The following SLC16A12 variants were observed in gnomAD, a reference collection of about 807,000 sequenced individuals.
The protein encoded by SLC16A12 is monocarboxylate transporter 12.
SLC16A12 carries 17 observed loss-of-function variants against 42.4 expected under a neutral mutation model. The ratio of observed to expected loss-of-function variants is 0.40; its 90% CI spans 0.27 to 0.60. The LOEUF (loss-of-function observed/expected upper bound fraction) is 0.60. SLC16A12 is among the 20% of genes least tolerant of loss of function. The pLI is 0.42. For missense variants in SLC16A12, 544 were observed against 623.0 expected, an observed-to-expected ratio of 0.87 and a Z score of 1.35; for synonymous variants, 224 against 229.4, an observed-to-expected ratio of 0.98 and a Z score of 0.21.
chr10:89,491,980 A>G (rs1842854006), intron 2 of SLC16A12, among the ~76,000 whole-genome samples: 1 of 152,260 alleles, frequency 6.6e-6, no homozygotes, highest in Non-Finnish European at 1.5e-5. Context: ...AGTCATCTCC[A>G]GAGGCAATAC....
intron 2 of SLC16A12, among the ~76,000 whole-genome samples, chr10:89,528,458 G>A (rs1843490545): frequency 6.6e-6 from 1 of 152,114 alleles, no homozygotes; most frequent in Non-Finnish European, 1.5e-5. Context: ...TTGGTTGACA[G>A]TAATTATATC....
chr10:89,481,111 T>C (rs547711825), intron 2 of SLC16A12, among the ~76,000 whole-genome samples: 2 of 152,314 alleles, frequency 1.3e-5, no homozygotes, highest in South Asian at 4.1e-4. Flanking sequence ...TATGTTGGGA[T>C]ATTAACTCTA....
At chr10:89,486,603 AAAAGAAAGAAAGAAAGAAAGAAAG>A (rs141642264) in intron 2 of SLC16A12, among the ~76,000 whole-genome samples, 35 of 70,408 alleles carry the variant, frequency 5.0e-4, no homozygotes, top group Middle Eastern at 0.015. Flanking sequence ...AAAAAAAAAA[AAAAGAAAGAAAGAAAGAAAGAAAG>A]AAAGAAAGAA....
At chr10:89,469,021 T>G (rs923308355) in intron 2 of SLC16A12, among the ~76,000 whole-genome samples, 1 of 152,064 alleles carries the variant, frequency 6.6e-6, no homozygotes, top group African/African-American at 2.4e-5. Context: ...CCCAGCTACT[T>G]GGGGGGCTGA....
chr10:89,539,836 C>T (rs1313961555), upstream of SLC16A12, among the ~76,000 whole-genome samples: 3 of 146,830 alleles, frequency 2.0e-5, no homozygotes, highest in African/African-American at 7.5e-5. Flanking sequence ...GAAATTCTTC[C>T]TTAGACACCA....
chr10:89,469,102 C>T (rs539885055), intron 2 of SLC16A12, among the ~76,000 whole-genome samples: 1 of 152,296 alleles, frequency 6.6e-6, no homozygotes, highest in Admixed American at 6.5e-5. Flanking sequence ...GCACCCCAGC[C>T]TAAAACTATA....
At chr10:89,534,937 A>G (rs1843627932) in intron 1 of SLC16A12, among the ~76,000 whole-genome samples, 1 of 152,082 alleles carries the variant, frequency 6.6e-6, no homozygotes, top group Non-Finnish European at 1.5e-5. Context: ...TTTGTTACGA[A>G]CGCTTTTCCG....
At chr10:89,442,459 G>A (rs557236879) in intron 4 of SLC16A12, among the ~76,000 whole-genome samples, 1 of 152,122 alleles carries the variant, frequency 6.6e-6, no homozygotes, top group South Asian at 2.1e-4. Flanking sequence ...TCCTATTTGG[G>A]GGATTATGAA....
At chr10:89,500,014 G>A (rs1172513704) in intron 2 of SLC16A12, among the ~76,000 whole-genome samples, 1 of 152,124 alleles carries the variant, frequency 6.6e-6, no homozygotes, top group Non-Finnish European at 1.5e-5. Flanking sequence ...AGGCTATTAT[G>A]AATACCTTTA....
intron 2 of SLC16A12, among the ~76,000 whole-genome samples, chr10:89,494,395 A>G (rs1259054096): frequency 6.6e-6 from 1 of 152,228 alleles, no homozygotes; most frequent in Non-Finnish European, 1.5e-5. Flanking sequence ...ATATGCTCAT[A>G]TAAGAATGCA....
chr10:89,441,063 C>G (rs750622369), intron 5 of SLC16A12, 45 bp downstream of exon 5: 1 of 1,610,744 alleles, frequency 6.2e-7, no homozygotes, highest in Admixed American at 1.7e-5. Context: ...GCTTGGAAAC[C>G]CCTGAATGGA....
intron 2 of SLC16A12, among the ~76,000 whole-genome samples, chr10:89,498,209 G>T (rs1161092644): frequency 6.6e-6 from 1 of 152,030 alleles, no homozygotes; most frequent in African/African-American, 2.4e-5. Flanking sequence ...GGTGGGTAGG[G>T]TAGGGGTGGT....
chr10:89,463,496 T>TA (rs1031732742), intron 2 of SLC16A12, among the ~76,000 whole-genome samples: 1 of 152,032 alleles, frequency 6.6e-6, no homozygotes, highest in South Asian at 2.1e-4. Flanking sequence ...TCAATAAATG[T>TA]AAAAAAATAA....
chr10:89,548,334 A>C (rs903029334), intron 2 of SLC16A12, among the ~76,000 whole-genome samples: 2 of 152,160 alleles, frequency 1.3e-5, no homozygotes, highest in Non-Finnish European at 2.9e-5. Context: ...GAACACATGG[A>C]TCTTGAGCTG....
intron 2 of SLC16A12, among the ~76,000 whole-genome samples, chr10:89,504,085 T>C (rs1843025519): frequency 6.6e-6 from 1 of 152,038 alleles, no homozygotes; most frequent in South Asian, 2.1e-4. Context: ...CCCATCTCCA[T>C]GAGGCCTCAA....
chr10:89,518,122 C>T (rs1482714180), intron 2 of SLC16A12, among the ~76,000 whole-genome samples: 1 of 152,174 alleles, frequency 6.6e-6, no homozygotes, highest in East Asian at 1.9e-4. Context: ...AATGCAGGCA[C>T]AGGAAAAACA....
At chr10:89,508,866 A>G (rs1843115083) in intron 2 of SLC16A12, among the ~76,000 whole-genome samples, 1 of 152,220 alleles carries the variant, frequency 6.6e-6, no homozygotes, top group African/African-American at 2.4e-5. Context: ...ACAAGAATCA[A>G]ATAGACAGAA....
intron 3 of SLC16A12, among the ~76,000 whole-genome samples, chr10:89,453,951 T>C (rs1354152097): frequency 2.0e-5 from 3 of 151,532 alleles, no homozygotes; most frequent in Non-Finnish European, 4.4e-5. Flanking sequence ...ACCTACTCAA[T>C]TGCCAAGTTC....
chr10:89,452,731 A>T (rs1190571110), intron 3 of SLC16A12, among the ~76,000 whole-genome samples: 1 of 152,190 alleles, frequency 6.6e-6, no homozygotes, highest in East Asian at 1.9e-4. Context: ...TACAGTAAGG[A>T]TCAACACTTG....
Sources: gnomAD v4.1 joint callset for allele counts (sites outside exome capture counted in the v4.1 genomes callset) on GRCh38, gnomAD v4.1.1 for gene constraint, MANE v1.5 for transcripts, NCBI Gene and HGNC (gene_info 2026-07-23, HGNC 2026-07-21) for gene names.